TMEM117: variants seen among roughly 807,000 people sequenced by gnomAD.
TMEM117 encodes transmembrane protein 117.
In TMEM117, 27 loss-of-function variants were observed where a neutral mutation model predicts 52.4. That is an observed-to-expected ratio of 0.51 (90% CI 0.38 to 0.71). The LOEUF (loss-of-function observed/expected upper bound fraction) is 0.71, where lower values mean the gene tolerates loss of function less well. TMEM117 is among the 30% of genes least tolerant of loss of function. TMEM117 has a pLI of 0.00. For missense variants in TMEM117, 556 were observed against 630.5 expected (o/e 0.88, Z 1.26); for synonymous variants, 215 against 206.3 (o/e 1.04, Z -0.36).
intron 5 of TMEM117, chr12:44,263,752 A>G (rs1950347146): frequency 1.3e-5 from 2 of 152,316 alleles, no homozygotes; most frequent in African/African-American, 4.8e-5. Context: ...AATGCTACAC[A>G]TTCTTTGGAC....
chr12:44,014,777 T>C (rs74864723), intron 3 of TMEM117, among the ~76,000 whole-genome samples: 246 of 152,314 alleles, frequency 1.6e-3, no homozygotes, highest in African/African-American at 5.7e-3. Context: ...TTTCTTTCTT[T>C]CTTCCTTCAT....
At chr12:44,135,434 G>A (rs1948475955) in intron 3 of TMEM117, among the ~76,000 whole-genome samples, 1 of 152,098 alleles carries the variant, frequency 6.6e-6, no homozygotes. Flanking sequence ...ATTAAGATAG[G>A]TGCTTATCCA....
In TMEM117 at chr12:43,845,421, G is replaced by A. The variant is rs184471169; in HGVS notation, c.277+493G>A. Among the ~76,000 whole-genome samples, 141 of 127,106 alleles carry A rather than the reference G, an allele frequency of 1.1e-3. 1 individual carries two copies. Among genetic ancestry groups the A allele is most frequent in the African/African-American group, 4.3e-3 (130 of 30,584 alleles). The allele number at this position is 127,106 out of a possible 152,430, so 83.4% of individuals were successfully genotyped here. A position where few individuals can be genotyped will look rare whatever the true frequency, so the allele number is the denominator to read the frequency against. On this transcript the variant is annotated intron_variant, in intron 2 of 7. Coordinates refer to ENST00000266534, the MANE Select transcript of TMEM117 (RefSeq NM_032256.3). ...GGTTGCAGTGAGCCAAGATTGCACC[G>A]CTGCACTACAGCCTGGGTGACACAG... is the stretch of plus-strand genomic sequence containing the variant.
At chr12:44,259,947 C>T (rs1449468437) in intron 5 of TMEM117, among the ~76,000 whole-genome samples, 3 of 152,032 alleles carry the variant, frequency 2.0e-5, no homozygotes, top group African/African-American at 7.2e-5. Flanking sequence ...TAAAAACCGC[C>T]ATGAAAAATT....
rs150180902 is a variant in TMEM117 at position 43,902,903 on chromosome 12, G to GA, written c.278-41297dup. Among the ~76,000 whole-genome samples, 808 of 146,884 alleles carry GA rather than the reference G, an allele frequency of 5.5e-3. 8 individuals carry two copies. The highest frequency in any genetic ancestry group is 0.019 in the African/African-American group (755 of 40,264). On this transcript the variant is annotated intron_variant, in intron 2 of 7. Coordinates refer to ENST00000266534, the MANE Select transcript of TMEM117 (RefSeq NM_032256.3). Reference sequence around the variant, plus strand: ...ACAAAAGCACAACAGTACCTAAATAGAAAAAAAAAATGCTGCAAGTAAATT... The same window carrying GA: ...ACAAAAGCACAACAGTACCTAAATAGAAAAAAAAAAATGCTGCAAGTAAATT...
chr12:43,895,205 G>A (rs1051480241), intron 2 of TMEM117, among the ~76,000 whole-genome samples: 2 of 152,090 alleles, frequency 1.3e-5, no homozygotes, highest in Non-Finnish European at 2.9e-5. Flanking sequence ...GTGTCGATGT[G>A]TTCTCATCCT....
intron 3 of TMEM117, chr12:44,009,935 A>G (rs1210819722): frequency 3.6e-6 from 1 of 280,158 alleles, no homozygotes; most frequent in East Asian, 9.5e-5. Flanking sequence ...ATAATTTCTG[A>G]AGTAGGCTGA....
upstream of TMEM117, among the ~76,000 whole-genome samples, chr12:43,834,283 GAAT>G (rs781214454): frequency 6.6e-6 from 1 of 152,126 alleles, no homozygotes. Flanking sequence ...ATTCTTTAGA[GAAT>G]AATATTAATT....
chr12:44,340,414 C>T (rs1055369625), intron 6 of TMEM117, among the ~76,000 whole-genome samples: 2 of 152,044 alleles, frequency 1.3e-5, no homozygotes, highest in Non-Finnish European at 2.9e-5. Context: ...CACAGGATTG[C>T]GTTTATAAAC....
intron 3 of TMEM117, among the ~76,000 whole-genome samples, chr12:44,024,312 A>T (rs1352272427): frequency 6.6e-6 from 1 of 151,838 alleles, no homozygotes; most frequent in African/African-American, 2.4e-5. Context: ...GAAGTCATAA[A>T]AGTAAGGTGA....
At chr12:44,072,564 T>C (rs546144905) in intron 3 of TMEM117, among the ~76,000 whole-genome samples, 37 of 152,180 alleles carry the variant, frequency 2.4e-4, no homozygotes, top group Non-Finnish European at 4.6e-4. Context: ...GGACCCTATA[T>C]GGGGCTCAGG....
chr12:44,041,871 G>A (rs189323268), intron 3 of TMEM117, among the ~76,000 whole-genome samples: 1 of 152,112 alleles, frequency 6.6e-6, no homozygotes, highest in Admixed American at 6.5e-5. Flanking sequence ...AAAACCACAC[G>A]ATCATCTCAG....
At chr12:43,944,633 C>G (rs1031289239) in intron 3 of TMEM117, among the ~76,000 whole-genome samples, 1 of 151,990 alleles carries the variant, frequency 6.6e-6, no homozygotes, top group African/African-American at 2.4e-5. Context: ...GTATGAGAAT[C>G]AGGAAATCTT....
At chr12:44,293,984 A>G (rs755837225) in intron 5 of TMEM117, among the ~76,000 whole-genome samples, 8 of 152,174 alleles carry the variant, frequency 5.3e-5, no homozygotes, top group Non-Finnish European at 8.8e-5. Flanking sequence ...TTTAAAAGTC[A>G]GATCTAGTGG....
At position 44,388,950 on chromosome 12, in the gene TMEM117, C is replaced by T. The variant is rs1592736588; in HGVS notation, c.*278C>T. The T allele has an allele frequency of 1.1e-5, 4 of 374,056 alleles. No individual in the cohort carries two copies. The East Asian group carries it at 1.9e-4, about 18-fold the overall frequency. 23.2% of individuals were successfully genotyped at this position (374,056 alleles called of 1,614,324 possible). A position where few individuals can be genotyped will look rare whatever the true frequency, so the allele number is the denominator to read the frequency against. On this transcript the variant is annotated 3_prime_UTR_variant, in exon 8 of 8. Transcript: ENST00000266534. The stretch of plus-strand genomic sequence containing the variant: ...AGCATAGTGGAAGATTAGCTGATGA[C>T]CCATGTATCTGATGTTCAACCATAG...
intron 3 of TMEM117, among the ~76,000 whole-genome samples, chr12:44,083,389 GTTTTTTTTTTT>G (rs1160025038): frequency 7.5e-5 from 6 of 80,398 alleles, no homozygotes; most frequent in African/African-American, 3.4e-4. Flanking sequence ...GGTATTGTTA[GTTTTTTTTTTT>G]TTTTTTTTTT....
intron 2 of TMEM117, among the ~76,000 whole-genome samples, chr12:43,911,327 C>A (rs61930740): frequency 1.4e-5 from 1 of 72,408 alleles, no homozygotes; most frequent in African/African-American, 3.1e-5. Flanking sequence ...CTTTCTTACA[C>A]CTTATACAAA....
chr12:43,885,973 G>A (rs1731433), intron 2 of TMEM117, among the ~76,000 whole-genome samples: 106,862 of 152,030 alleles, frequency 0.7, 41,395 homozygotes, highest in East Asian at 0.87. Context: ...AACTAATGAG[G>A]TATTTCTAGA....
At chr12:44,317,771 A>T (rs1451759987) in intron 6 of TMEM117, among the ~76,000 whole-genome samples, 1 of 152,200 alleles carries the variant, frequency 6.6e-6, no homozygotes, top group East Asian at 1.9e-4. Context: ...GCCAACGTGA[A>T]CGGGTATATA....
Sources: allele counts gnomAD v4.1 joint callset (sites outside exome capture counted in the v4.1 genomes callset), GRCh38; gene constraint gnomAD v4.1.1; transcripts MANE v1.5; gene names NCBI Gene and HGNC (gene_info 2026-07-23, HGNC 2026-07-21).